TRIM63: variants seen among roughly 807,000 people sequenced by gnomAD.
TRIM63 encodes E3 ubiquitin-protein ligase TRIM63.
In TRIM63, 48 loss-of-function variants were observed where a neutral mutation model predicts 46.0. The observed-to-expected ratio is 1.04, with a 90% CI of 0.83 to 1.33. The LOEUF (loss-of-function observed/expected upper bound fraction) is 1.33. Ranked by LOEUF, TRIM63 falls within the 40% of genes most tolerant of loss-of-function variation. The pLI is 0.00. For missense variants in TRIM63, 455 were observed against 441.2 expected (o/e 1.03, Z -0.28); for synonymous variants, 175 against 162.8 (o/e 1.08, Z -0.57).
intron 4 of TRIM63, 38 bp downstream of exon 4, chr1:26,060,228 G>T (rs1446316326): frequency 4.4e-6 from 7 of 1,584,508 alleles, no homozygotes; most frequent in South Asian, 1.1e-5. Context: ...GCCCTGGAAA[G>T]CTCCAAATCC....
chr1:26,061,807 C>T (rs1198540770), intron 2 of TRIM63, among the ~76,000 whole-genome samples: 1 of 152,202 alleles, frequency 6.6e-6, no homozygotes, highest in African/African-American at 2.4e-5. Context: ...GCAGGCTGGG[C>T]TCTGAGCTGA....
chr1:26,065,904 T>C (rs1043784436), intron 2 of TRIM63, among the ~76,000 whole-genome samples: 7 of 152,162 alleles, frequency 4.6e-5, no homozygotes, highest in Admixed American at 2.0e-4. Context: ...CACGGGAGAG[T>C]AGCTGTTGCT....
rs562326930 is a variant in TRIM63, at chr1:26,058,756, G to A, written c.598-133C>T. On this transcript the variant is annotated intron_variant, in intron 4 of 8. Transcript: ENST00000374272. Reference sequence around the variant, plus strand: ...CTACATACATCCCCACACTACAGAAGAAGAAACAAAGACTTAACAAGAAGA... The same window carrying A: ...CTACATACATCCCCACACTACAGAAAAAGAAACAAAGACTTAACAAGAAGA... 25 of 708,446 alleles carry A rather than the reference G, an allele frequency of 3.5e-5. No homozygotes were observed. In the East Asian group the frequency reaches 6.3e-4, roughly 18 times the overall value. The allele number at this position is 708,446 out of a possible 1,614,324, so 43.9% of individuals were successfully genotyped here.
At chr1:26,064,227 T>C (rs1332961921) in intron 2 of TRIM63, among the ~76,000 whole-genome samples, 1 of 152,132 alleles carries the variant, frequency 6.6e-6, no homozygotes, top group Non-Finnish European at 1.5e-5. Context: ...GGTCAGGAGT[T>C]TGAGACCAGC....
Position 26,061,321 on chromosome 1 carries a change from T to A in TRIM63, c.346A>T (p.Lys116Ter). The A allele has an allele frequency of 6.2e-7, 1 of 1,614,086 alleles. No homozygotes were observed. Among genetic ancestry groups the A allele is most frequent in the Non-Finnish European group, 8.5e-7 (1 of 1,179,950 alleles). The change falls in exon 3 of 9, where the codon AAG becomes TAG. Residue 116 changes from lysine to a stop codon, truncating the protein, a stop_gained. Transcript: ENST00000374272. LOFTEE classifies it high-confidence loss of function. ...KQECSSRPLQKGSHPMCKEHE... is the reference protein window; with the variant it reads ...KQECSSRPLQ ...TCCTTGCACATGGGGTGACTGCCCT[T>A]CTGCAGCGGCCGACTGCAGTGGAGA...
chr1:26,061,670 T>C lies in TRIM63; in HGVS notation c.333-336A>G, dbSNP rs144560559. 5.5e-3 allele frequency among the ~76,000 whole-genome samples: 830 copies of C among 152,292 alleles called. 7 individuals carry two copies. Among genetic ancestry groups the C allele is most frequent in the African/African-American group, 0.019 (781 of 41,560 alleles). ...AGAATTCCAGAGTCAGACCTGGAGA[T>C]GTTTTAGAGAAGAGGAAACTGGGCT... On this transcript the variant is annotated intron_variant, in intron 2 of 8. Transcript: ENST00000374272.
intron 2 of TRIM63, among the ~76,000 whole-genome samples, chr1:26,064,914 A>C (rs1274009022): frequency 6.6e-6 from 1 of 152,154 alleles, no homozygotes; most frequent in East Asian, 1.9e-4. Context: ...TTTGGACCTT[A>C]AAGGCTGTGA....
intron 7 of TRIM63, among the ~76,000 whole-genome samples, chr1:26,055,995 G>A (rs1025318176): frequency 6.6e-6 from 1 of 152,146 alleles, no homozygotes; most frequent in East Asian, 1.9e-4. Flanking sequence ...GTAGGAGAGC[G>A]ACACAGGAGG....
rs750868617 is a variant in TRIM63, at chr1:26,053,982, TTG to T, written c.980-20_980-19del. On this transcript the variant is annotated intron_variant, in intron 7 of 8. Transcript: ENST00000374272. ...TTCCTCATCTGTGACAAAAAAACAT[TTG>T]TGTTAGGATGGGGCCGGTTCCTTGA... 1.6e-5 allele frequency: 25 copies of T among 1,573,790 alleles called. No individual in the cohort carries two copies. Among genetic ancestry groups the T allele is most frequent in the Non-Finnish European group, 2.2e-5 (25 of 1,162,542 alleles).
intron 2 of TRIM63, 74 bp downstream of exon 2, chr1:26,066,194 G>A: frequency 6.5e-7 from 1 of 1,530,618 alleles, no homozygotes; most frequent in Non-Finnish European, 9.0e-7. Context: ...TGAAGGAGGG[G>A]GAAGGAGCGT....
intron 7 of TRIM63, among the ~76,000 whole-genome samples, chr1:26,054,679 T>C (rs2050552732): frequency 6.6e-6 from 1 of 152,042 alleles, no homozygotes. Context: ...GTCAAGAGTA[T>C]CTTCAGGCCA....
At chr1:26,064,818 C>A (rs1018357617) in intron 2 of TRIM63, among the ~76,000 whole-genome samples, 1 of 152,152 alleles carries the variant, frequency 6.6e-6, no homozygotes, top group Non-Finnish European at 1.5e-5. Flanking sequence ...CACAGTTCCC[C>A]GGGTCAGGGT....
At chr1:26,060,488 T>C (rs1296329507) in intron 3 of TRIM63, 127 bp from the exon 4 acceptor site, 2 of 672,966 alleles carry the variant, frequency 3.0e-6, no homozygotes, top group Non-Finnish European at 5.3e-6. Flanking sequence ...AGTAGGGATC[T>C]GGCCCCTCTT....
chr1:26,062,075 T>C (rs925775039), intron 2 of TRIM63, among the ~76,000 whole-genome samples: 2 of 151,956 alleles, frequency 1.3e-5, no homozygotes, highest in Non-Finnish European at 2.9e-5. Context: ...CAAGACCAGC[T>C]TGACCAATAT....
chr1:26,065,632 C>T (rs1226089849), intron 2 of TRIM63, among the ~76,000 whole-genome samples: 1 of 152,192 alleles, frequency 6.6e-6, no homozygotes, highest in African/African-American at 2.4e-5. Flanking sequence ...GAGGCCAACC[C>T]TTCACAACCT....
rs1230663757 is a variant in TRIM63 at position 26,058,560 on chromosome 1, C to T, written c.661G>A (p.Asp221Asn). The T allele has an allele frequency of 3.1e-6, 5 of 1,614,096 alleles. No individual in the cohort carries two copies. The highest frequency in any genetic ancestry group is 2.7e-5 in the African/African-American group (2 of 74,938). The change falls in exon 5 of 9, where the codon GAT (aspartate) becomes AAT (asparagine). Residue 221 changes from aspartate to asparagine, a missense_variant. By Grantham distance (23) the Asp-to-Asn change is conservative. Transcript: ENST00000374272. ...QKFDTLYAIL[D>N]EKKSELLQRI... is the part of the protein sequence containing the mutation. ...TGCAGCAACTCACTTTTCTTCTCAT[C>T]CAGGATGGCATACAACGTGTCAAAC...
Position 26,066,408 on chromosome 1 carries a change from G to C in TRIM63, c.192C>G (p.Ser64Arg). 6.2e-7 allele frequency: 1 copy of C among 1,605,204 alleles called. No individual in the cohort carries two copies. The highest frequency in any genetic ancestry group is 8.5e-7 in the Non-Finnish European group (1 of 1,174,786). Reference protein sequence around the residue: ...AANPYWTSRGSSVSMSGGRFR... With the variant: ...AANPYWTSRGRSVSMSGGRFR... ...AACGGCCTCCAGACATGGACACTGAGCTGCCCCGGCTGGTCCAGTAGGGAT... is the reference window on the plus strand; with the variant it reads ...AACGGCCTCCAGACATGGACACTGACCTGCCCCGGCTGGTCCAGTAGGGAT... Residue 64 changes from serine (S) to arginine (R), a missense_variant, in exon 2 of 9, where the codon AGC becomes AGG. Coordinates refer to ENST00000374272, the MANE Select transcript of TRIM63 (RefSeq NM_032588.4).
intron 3 of TRIM63, among the ~76,000 whole-genome samples, chr1:26,060,825 G>A (rs1009906402): frequency 1.3e-5 from 2 of 152,184 alleles, no homozygotes; most frequent in Non-Finnish European, 2.9e-5. Context: ...TGCTGTGGGG[G>A]AATGTGAAGT....
In TRIM63 at chr1:26,057,652, T is replaced by C; in HGVS notation, c.832-2A>G. On this transcript the variant is annotated splice_acceptor_variant, in intron 5 of 8. Coordinates refer to ENST00000374272, the MANE Select transcript of TRIM63 (RefSeq NM_032588.4). LOFTEE classifies it high-confidence loss of function. ...CCTTTTGATGAGTTGCTTGGCAGTC[T>C]GCAGGGGGAGAGAGAACAAAGGATT... The C allele has an allele frequency of 1.2e-6, 2 of 1,609,178 alleles. No individual in the cohort carries two copies.
Sources: allele counts gnomAD v4.1 joint callset (sites outside exome capture counted in the v4.1 genomes callset), GRCh38; gene constraint gnomAD v4.1.1; transcripts MANE v1.5; gene names NCBI Gene and HGNC (gene_info 2026-07-23, HGNC 2026-07-21).